The following RBMS3 variants were observed in gnomAD, a reference collection of about 807,000 sequenced individuals.
The protein encoded by RBMS3 is RNA binding motif single stranded interacting protein 3, also known as RNA-binding motif, single-stranded-interacting protein 3.
In RBMS3, 27 loss-of-function variants were observed where a neutral mutation model predicts 66.8. That is an observed-to-expected ratio of 0.40 (90% CI 0.30 to 0.56). The LOEUF (loss-of-function observed/expected upper bound fraction) is 0.56, where lower values mean the gene tolerates loss of function less well. RBMS3 is among the 20% of genes least tolerant of loss of function. The pLI, the probability that RBMS3 is intolerant of heterozygous loss-of-function variation, is 0.40. For synonymous variants in RBMS3, 188 were observed against 183.0 expected, an observed-to-expected ratio of 1.03 and a Z score of -0.22; for missense variants, 513 against 549.5, an observed-to-expected ratio of 0.93 and a Z score of 0.66.
chr3:30,010,194 G>A lies in RBMS3; in HGVS notation c.*6332G>A, dbSNP rs1040612408. ...TATTTAAGAGCATTTTTGTACTGCT[G>A]TCTCTGACTGTCATGGAAAGTTCTG... On this transcript the variant is annotated 3_prime_UTR_variant, in exon 15 of 15. Transcript: ENST00000383767. 1 of 151,974 alleles carries A rather than the reference G, an allele frequency of 6.6e-6. No homozygotes were observed. The highest frequency in any genetic ancestry group is 2.4e-5 in the African/African-American group (1 of 41,370). 9.4% of individuals were successfully genotyped at this position (151,974 alleles called of 1,614,324 possible).
At chr3:29,864,171 T>C (rs2059287765) in intron 6 of RBMS3, among the ~76,000 whole-genome samples, 1 of 152,172 alleles carries the variant, frequency 6.6e-6, no homozygotes, top group Non-Finnish European at 1.5e-5. Context: ...CTCAATAGTT[T>C]TTCTAGTAGT....
intron 13 of RBMS3, among the ~76,000 whole-genome samples, chr3:29,990,472 A>AAAAAAT (rs1031096823): frequency 1.3e-5 from 2 of 150,372 alleles, no homozygotes; most frequent in Admixed American, 1.3e-4. Context: ...AAAAAAAAAA[A>AAAAAAT]AAAAAAAAAA....
chr3:29,683,070 G>A (rs150575000), intron 4 of RBMS3, among the ~76,000 whole-genome samples: 2 of 152,168 alleles, frequency 1.3e-5, no homozygotes, highest in African/African-American at 4.8e-5. Flanking sequence ...AGTGTGTCGG[G>A]GGCAGAATGG....
At chr3:29,914,527 T>C (rs2149639495) in intron 10 of RBMS3, among the ~76,000 whole-genome samples, 1 of 151,998 alleles carries the variant, frequency 6.6e-6, no homozygotes, top group East Asian at 1.9e-4. Flanking sequence ...ACGCTGAGGT[T>C]ACCTTAAATT....
chr3:29,339,118 A>G (rs750103169), intron 1 of RBMS3, among the ~76,000 whole-genome samples: 3 of 152,138 alleles, frequency 2.0e-5, no homozygotes, highest in Non-Finnish European at 2.9e-5. Context: ...GGGCTGTGGA[A>G]AGGATGAGTT....
chr3:29,787,480 C>T lies in RBMS3; in HGVS notation c.637+24491C>T, dbSNP rs141270163. ...AGATAAAGAAAATGTGGTATATATACGCTGTGGACTACAACTCAGCCATAA... is the reference window on the plus strand; with the variant it reads ...AGATAAAGAAAATGTGGTATATATATGCTGTGGACTACAACTCAGCCATAA... On this transcript the variant is annotated intron_variant, in intron 6 of 14. Transcript: ENST00000383767. Among the ~76,000 whole-genome samples, 20 of 152,180 alleles carry T rather than the reference C, an allele frequency of 1.3e-4. No individual in the cohort carries two copies. The East Asian group carries it at 2.1e-3, about 16-fold the overall frequency.
At chr3:29,930,097 T>TGTTCTTTC (rs2061069630) in intron 10 of RBMS3, among the ~76,000 whole-genome samples, 1 of 75,076 alleles carries the variant, frequency 1.3e-5, no homozygotes, top group Non-Finnish European at 3.0e-5. Context: ...TTTGTGTCAC[T>TGTTCTTTC]TTTCTTTCTT....
intron 1 of RBMS3, among the ~76,000 whole-genome samples, chr3:29,407,077 A>G (rs2040050748): frequency 6.6e-6 from 1 of 152,246 alleles, no homozygotes; most frequent in Non-Finnish European, 1.5e-5. Context: ...GAAGCTATGC[A>G]ATACATTTTG....
At chr3:29,358,134 G>A (rs1293808932) in intron 1 of RBMS3, among the ~76,000 whole-genome samples, 2 of 152,158 alleles carry the variant, frequency 1.3e-5, no homozygotes, top group Non-Finnish European at 2.9e-5. Flanking sequence ...CCTACGTCCT[G>A]AATGGTATTG....
chr3:29,739,874 C>A lies in RBMS3; in HGVS notation c.554C>A (p.Ala185Asp). ...ANGVSRGVGF[A>D]RMESTEKCEV... The stretch of plus-strand genomic sequence containing the variant: ...GGAGTCAGCAGAGGTGTTGGCTTTG[C>A]CAGGTAAAATTCTTTCTTTGTATGT... Residue 185 changes from alanine (A) to aspartate (D), a missense_variant, in exon 5 of 15, where the codon GCC becomes GAC. Physicochemically the swap from Ala to Asp is moderately radical, Grantham distance 126 (BLOSUM62 -2). Transcript: ENST00000383767. 1 of 1,566,788 alleles carries A rather than the reference C, an allele frequency of 6.4e-7. No homozygotes were observed. Among genetic ancestry groups the A allele is most frequent in the Non-Finnish European group, 8.6e-7 (1 of 1,160,290 alleles).
At chr3:29,446,906 CTT>C (rs11293530) in intron 2 of RBMS3, among the ~76,000 whole-genome samples, 929 of 68,630 alleles carry the variant, frequency 0.014, no homozygotes, top group African/African-American at 0.027. Context: ...ATTAAGCAGT[CTT>C]TTTTTTTTTT....
chr3:29,839,146 T>G (rs1025838284), intron 6 of RBMS3, among the ~76,000 whole-genome samples: 2 of 152,220 alleles, frequency 1.3e-5, no homozygotes, highest in Non-Finnish European at 2.9e-5. Flanking sequence ...ATTAATTTGG[T>G]GACAGCCAAT....
rs567226963 is a variant in RBMS3, at chr3:29,798,839, A to G, written c.637+35850A>G. On this transcript the variant is annotated intron_variant, in intron 6 of 14. Coordinates refer to ENST00000383767, the MANE Select transcript of RBMS3 (RefSeq NM_001003793.3). ...AGTAGAATTTTTGATGACTCTCTGG[A>G]TTTAATTCATGCATCATTTGGATCT... Among the ~76,000 whole-genome samples, 6 of 151,432 alleles carry G rather than the reference A, an allele frequency of 4.0e-5. No homozygotes were observed. In the South Asian group the frequency reaches 1.3e-3, roughly 32 times the overall value.
chr3:29,538,781 G>A (rs1031739182), intron 3 of RBMS3, among the ~76,000 whole-genome samples: 1 of 152,178 alleles, frequency 6.6e-6, no homozygotes, highest in Non-Finnish European at 1.5e-5. Flanking sequence ...GCAGTATCGT[G>A]TCAAGCCAAC....
intron 4 of RBMS3, among the ~76,000 whole-genome samples, chr3:29,712,181 A>T (rs973998006): frequency 6.6e-6 from 1 of 152,172 alleles, no homozygotes; most frequent in Non-Finnish European, 1.5e-5. Flanking sequence ...GCTGTGGTGG[A>T]TGATTTTAGA....
intron 1 of RBMS3, among the ~76,000 whole-genome samples, chr3:29,354,147 G>A (rs9814941): frequency 0.31 from 46,791 of 151,586 alleles, 7,340 homozygotes; most frequent in African/African-American, 0.38. Context: ...TTGATTAATT[G>A]TTGGTAATTA....
intron 10 of RBMS3, among the ~76,000 whole-genome samples, chr3:29,935,728 G>C (rs1329195414): frequency 6.6e-6 from 1 of 152,000 alleles, no homozygotes; most frequent in African/African-American, 2.4e-5. Flanking sequence ...GAAAATTAGA[G>C]AATTTCCACT....
At chr3:29,910,721 G>A (rs73831094) in intron 10 of RBMS3, among the ~76,000 whole-genome samples, 9,954 of 151,376 alleles carry the variant, frequency 0.066, 564 homozygotes, top group African/African-American at 0.15. Flanking sequence ...GGAGGGAAGT[G>A]GTTAATGGAG....
At chr3:29,668,948 T>C (rs980853989) in intron 4 of RBMS3, among the ~76,000 whole-genome samples, 2 of 152,350 alleles carry the variant, frequency 1.3e-5, no homozygotes, top group Admixed American at 1.3e-4. Context: ...GGGATGCCAT[T>C]GTACCCCATC....
Sources: gnomAD v4.1 joint callset for allele counts (sites outside exome capture counted in the v4.1 genomes callset) on GRCh38, gnomAD v4.1.1 for gene constraint, MANE v1.5 for transcripts, NCBI Gene and HGNC (gene_info 2026-07-23, HGNC 2026-07-21) for gene names.